The following PCDH15 variants were observed in gnomAD, a reference collection of about 807,000 sequenced individuals.
PCDH15 encodes the protein protocadherin related 15.
A neutral mutation model predicts 178.5 loss-of-function variants in PCDH15; 129 were observed. That is an observed-to-expected ratio of 0.72 (90% confidence interval 0.63 to 0.84). PCDH15 has a LOEUF of 0.84. PCDH15 is among the 40% of genes least tolerant of loss of function. The probability of loss-of-function intolerance (pLI) is 0.00; values close to 1 mark genes in which losing one functional copy is unlikely to be tolerated. For synonymous variants in PCDH15, 800 were observed against 732.0 expected, an observed-to-expected ratio of 1.09 and a Z score of -1.50; for missense variants, 2,230 against 2,099.9, an observed-to-expected ratio of 1.06 and a Z score of -1.21.
intron 9 of PCDH15, among the ~76,000 whole-genome samples, chr10:54,233,088 T>G (rs1272136705): frequency 6.6e-6 from 1 of 151,944 alleles, no homozygotes; most frequent in Non-Finnish European, 1.5e-5. Context: ...AGGCCACAGG[T>G]GCACACCACT....
intron 28 of PCDH15, among the ~76,000 whole-genome samples, chr10:53,851,278 T>C (rs1564610126): frequency 6.6e-6 from 1 of 152,114 alleles, no homozygotes; most frequent in Admixed American, 6.6e-5. Context: ...TTATTACAGT[T>C]ATCACTACAT....
intron 6 of PCDH15, among the ~76,000 whole-genome samples, chr10:54,330,987 A>C (rs1459667489): frequency 1.3e-5 from 2 of 151,582 alleles, no homozygotes; most frequent in East Asian, 3.9e-4. Context: ...AGGGAAAGAA[A>C]AATGAGAGGA....
chr10:53,965,783 T>C (rs1467914124), intron 21 of PCDH15, among the ~76,000 whole-genome samples: 2 of 152,190 alleles, frequency 1.3e-5, no homozygotes. Context: ...GGACGGTGAC[T>C]AAAATTACTT....
intron 25 of PCDH15, among the ~76,000 whole-genome samples, chr10:53,925,505 A>T (rs2084452546): frequency 6.6e-6 from 1 of 152,220 alleles, no homozygotes; most frequent in Non-Finnish European, 1.5e-5. Flanking sequence ...TCTTGAAGTC[A>T]GTGAGACCAA....
At chr10:53,890,787 A>C (rs1001404141) in intron 26 of PCDH15, among the ~76,000 whole-genome samples, 25 of 152,310 alleles carry the variant, frequency 1.6e-4, no homozygotes, top group Middle Eastern at 3.4e-3. Context: ...AAAATAAAAA[A>C]ATTTTAAAGT....
intron 2 of PCDH15, among the ~76,000 whole-genome samples, chr10:55,117,317 A>G (rs1458570332): frequency 6.6e-6 from 1 of 152,194 alleles, no homozygotes; most frequent in Non-Finnish European, 1.5e-5. Context: ...TATTCATTAG[A>G]ACCTGGCTCT....
chr10:54,590,961 T>C (rs1481511948), intron 2 of PCDH15, among the ~76,000 whole-genome samples: 1 of 152,114 alleles, frequency 6.6e-6, no homozygotes, highest in African/African-American at 2.4e-5. Context: ...GTACATGTAG[T>C]TGGTAAACAT....
intron 3 of PCDH15, among the ~76,000 whole-genome samples, chr10:54,498,421 C>A (rs1026212378): frequency 6.6e-6 from 1 of 152,126 alleles, no homozygotes; most frequent in African/African-American, 2.4e-5. Flanking sequence ...AAACAGCTAA[C>A]AACACTGTGA....
At chr10:55,533,551 T>C (rs1189608657) in intron 2 of PCDH15, among the ~76,000 whole-genome samples, 8 of 152,036 alleles carry the variant, frequency 5.3e-5, no homozygotes, top group Middle Eastern at 3.4e-3. Context: ...AGGAGAACTA[T>C]AAAACATTGA....
At chr10:55,219,447 A>T (rs750860346) in intron 1 of PCDH15, among the ~76,000 whole-genome samples, 49 of 152,066 alleles carry the variant, frequency 3.2e-4, no homozygotes, top group Middle Eastern at 3.4e-3. Flanking sequence ...AGATATATGT[A>T]CCTAAAGTTC....
chr10:54,975,486 T>C (rs1839047519), intron 2 of PCDH15, among the ~76,000 whole-genome samples: 1 of 152,152 alleles, frequency 6.6e-6, no homozygotes, highest in Admixed American at 6.6e-5. Flanking sequence ...ACTGTTAATA[T>C]GGTGTGTGAT....
At chr10:55,175,422 A>C (rs1839451801) in intron 1 of PCDH15, among the ~76,000 whole-genome samples, 1 of 152,004 alleles carries the variant, frequency 6.6e-6, no homozygotes, top group African/African-American at 2.4e-5. Context: ...GGGACCAGAT[A>C]GTACTTTAGA....
chr10:54,910,897 AC>A (rs1370463364), intron 2 of PCDH15, among the ~76,000 whole-genome samples: 2 of 152,206 alleles, frequency 1.3e-5, no homozygotes, highest in African/African-American at 4.8e-5. Flanking sequence ...ACCAGACTTC[AC>A]AGTGCAGAGG....
chr10:53,817,444 C>T (rs147891727), intron 34 of PCDH15, among the ~76,000 whole-genome samples: 7 of 151,074 alleles, frequency 4.6e-5, no homozygotes, highest in African/African-American at 1.5e-4. Context: ...GATAGGATGG[C>T]GCCTTGAACT....
At chr10:54,344,650 C>T (rs1453630458) in intron 6 of PCDH15, among the ~76,000 whole-genome samples, 17 of 151,850 alleles carry the variant, frequency 1.1e-4, no homozygotes, top group Admixed American at 1.1e-3. Flanking sequence ...CGCACACGTA[C>T]AATTAATTCT....
intron 2 of PCDH15, among the ~76,000 whole-genome samples, chr10:55,079,443 G>T (rs1351693645): frequency 6.6e-6 from 1 of 152,154 alleles, no homozygotes; most frequent in Non-Finnish European, 1.5e-5. Context: ...AAGTGTTGCT[G>T]GGAACAGACA....
chr10:54,900,767 G>A (rs1438400217), intron 2 of PCDH15, among the ~76,000 whole-genome samples: 3 of 152,196 alleles, frequency 2.0e-5, no homozygotes, highest in South Asian at 2.1e-4. Context: ...AACCTTCAGC[G>A]ACCCAGTTTA....
intron 2 of PCDH15, among the ~76,000 whole-genome samples, chr10:55,410,936 A>G (rs1027101138): frequency 3.5e-4 from 53 of 152,142 alleles, no homozygotes; most frequent in African/African-American, 1.3e-3. Flanking sequence ...CCCAGTGTTC[A>G]GTTATTACTT....
intron 1 of PCDH15, among the ~76,000 whole-genome samples, chr10:54,666,259 G>A (rs910298181): frequency 2.0e-5 from 3 of 152,022 alleles, no homozygotes; most frequent in South Asian, 2.1e-4. Flanking sequence ...AGCAAGGGCT[G>A]GAAAGTAGAT....
Sources: allele counts gnomAD v4.1 joint callset (sites outside exome capture counted in the v4.1 genomes callset), GRCh38; gene constraint gnomAD v4.1.1; transcripts MANE v1.5; gene names NCBI Gene and HGNC (gene_info 2026-07-23, HGNC 2026-07-21).